Variants in DYDC2 observed in about 807,000 individuals in gnomAD.
DYDC2 encodes DPY30 domain containing 2.
DYDC2 carries 19 observed loss-of-function variants against 18.7 expected under a neutral mutation model. That is an observed-to-expected ratio of 1.02 (90% CI 0.71 to 1.49). The LOEUF (loss-of-function observed/expected upper bound fraction) is 1.49, where lower values mean the gene tolerates loss of function less well. DYDC2 is among the 40% of genes most tolerant of loss of function. The pLI is 0.00. For synonymous variants in DYDC2, 63 were observed against 67.6 expected (o/e 0.93, Z 0.34); for missense variants, 179 against 205.1 (o/e 0.87, Z 0.78).
At chr10:80,353,645 A>G (rs987079040), upstream of DYDC2, among the ~76,000 whole-genome samples, 27 of 150,212 alleles carry the variant, frequency 1.8e-4, no homozygotes. Flanking sequence ...AGGTCAGGAG[A>G]TCGAGACCAT....
upstream of DYDC2, among the ~76,000 whole-genome samples, chr10:80,354,746 T>G (rs1476714886): frequency 6.6e-6 from 1 of 152,036 alleles, no homozygotes; most frequent in Non-Finnish European, 1.5e-5. Flanking sequence ...AGAATAAAAC[T>G]AGAAGACAGC....
intron 2 of DYDC2, 53 bp from the exon 3 acceptor site, chr10:80,362,382 T>A: frequency 1.9e-6 from 3 of 1,568,098 alleles, no homozygotes; most frequent in Non-Finnish European, 2.6e-6. Context: ...TGTCTATTTT[T>A]AATATCAGAT....
chr10:80,356,659 G>A (rs2067467326), upstream of DYDC2: 1 of 983,976 alleles, frequency 1.0e-6, no homozygotes, highest in Non-Finnish European at 1.2e-6. Context: ...CGGACCCAGC[G>A]AAGCTAGGGG....
chr10:80,366,626 C>A, intron 4 of DYDC2, 62 bp from the exon 5 acceptor site: 1 of 1,521,222 alleles, frequency 6.6e-7, no homozygotes, highest in South Asian at 1.3e-5. Flanking sequence ...GTGTTTTTGC[C>A]ATACATCTTG....
chr10:80,357,260 T>G, intron 1 of DYDC2, among the ~76,000 whole-genome samples: 1 of 115,542 alleles, frequency 8.7e-6, no homozygotes, highest in African/African-American at 3.4e-5. Flanking sequence ...AGGGGGAGCG[T>G]AGGATCGGGG....
chr10:80,352,082 A>T, upstream of DYDC2: 1 of 1,266,252 alleles, frequency 7.9e-7, no homozygotes, highest in Non-Finnish European at 1.1e-6. Flanking sequence ...AGCACTTAAT[A>T]GGAACAATTA....
chr10:80,367,077 T>C lies in DYDC2; in HGVS notation c.*126T>C. 1 of 1,159,726 alleles carries C rather than the reference T, an allele frequency of 8.6e-7. No homozygotes were observed. Among genetic ancestry groups the C allele is most frequent in the Non-Finnish European group, 1.2e-6 (1 of 827,518 alleles). The allele number at this position is 1,159,726 out of a possible 1,614,324, so 71.8% of individuals were successfully genotyped here. A position where few individuals can be genotyped will look rare whatever the true frequency, so the allele number is the denominator to read the frequency against. On this transcript the variant is annotated 3_prime_UTR_variant, in exon 5 of 5. Coordinates refer to ENST00000256039, the MANE Select transcript of DYDC2 (RefSeq NM_032372.6). ...CAGGGACTCTCCAGCCTACTCCTTT[T>C]CTGAAAAACCCTTAATCATGTGAAC...
At chr10:80,358,288 G>C (rs1843510984) in intron 2 of DYDC2, among the ~76,000 whole-genome samples, 1 of 152,178 alleles carries the variant, frequency 6.6e-6, no homozygotes, top group Non-Finnish European at 1.5e-5. Context: ...TGAGACAGCG[G>C]AATTGCTTGA....
chr10:80,367,073 C>G lies in DYDC2; in HGVS notation c.*122C>G. ...AGTTCAGGGACTCTCCAGCCTACTC[C>G]TTTTCTGAAAAACCCTTAATCATGT... On this transcript the variant is annotated 3_prime_UTR_variant, in exon 5 of 5. Transcript: ENST00000256039. The G allele has an allele frequency of 8.2e-7, 1 of 1,213,804 alleles. No homozygotes were observed. Among genetic ancestry groups the G allele is most frequent in the Non-Finnish European group, 1.1e-6 (1 of 876,472 alleles). The allele number at this position is 1,213,804 out of a possible 1,614,324, so 75.2% of individuals were successfully genotyped here. A position where few individuals can be genotyped will look rare whatever the true frequency, so the allele number is the denominator to read the frequency against.
intron 2 of DYDC2, among the ~76,000 whole-genome samples, chr10:80,360,680 C>T (rs1843638208): frequency 6.6e-6 from 1 of 152,004 alleles, no homozygotes; most frequent in South Asian, 2.1e-4. Flanking sequence ...AATTATGTCA[C>T]ATAATCTACA....
intron 2 of DYDC2, among the ~76,000 whole-genome samples, chr10:80,361,327 G>A (rs1253192268): frequency 6.6e-6 from 1 of 152,210 alleles, no homozygotes; most frequent in Admixed American, 6.5e-5. Flanking sequence ...GGCAGTTGAT[G>A]TCACTTTGTT....
chr10:80,357,796 A>G, intron 1 of DYDC2, 97 bp from the exon 2 acceptor site: 1 of 985,572 alleles, frequency 1.0e-6, no homozygotes, highest in Non-Finnish European at 1.2e-6. Context: ...ATGTTAGTTG[A>G]GCTAGTAAAT....
intron 1 of DYDC2, among the ~76,000 whole-genome samples, chr10:80,357,180 A>G (rs1843434955): frequency 8.1e-6 from 1 of 123,910 alleles, no homozygotes. Flanking sequence ...GGCAGAGAGG[A>G]GAGGGAATGA....
At chr10:80,346,536 C>A (rs1842650406) in intron 1 of DYDC2, among the ~76,000 whole-genome samples, 1 of 145,266 alleles carries the variant, frequency 6.9e-6, no homozygotes, top group African/African-American at 2.5e-5. Context: ...TCTCAGCTCA[C>A]TGCAAGCTCT....
intron 1 of DYDC2, among the ~76,000 whole-genome samples, chr10:80,347,365 G>A (rs1225318474): frequency 6.7e-5 from 9 of 134,120 alleles, no homozygotes; most frequent in Non-Finnish European, 1.5e-5. Flanking sequence ...GACCTTATCA[G>A]ATATATGGTT....
chr10:80,363,105 C>T, intron 4 of DYDC2, 32 bp downstream of exon 4: 1 of 1,595,452 alleles, frequency 6.3e-7, no homozygotes, highest in South Asian at 1.2e-5. Flanking sequence ...TGGGTTGCCA[C>T]ACACATCCCA....
At chr10:80,358,873 G>A (rs567905758) in intron 2 of DYDC2, among the ~76,000 whole-genome samples, 41 of 152,216 alleles carry the variant, frequency 2.7e-4, no homozygotes, top group African/African-American at 6.5e-4. Context: ...TTTGATGTTC[G>A]GATGTGTTCA....
upstream of DYDC2, chr10:80,352,330 T>C: frequency 7.7e-7 from 1 of 1,302,370 alleles, no homozygotes; most frequent in Non-Finnish European, 1.0e-6. Flanking sequence ...TTCATGTTGT[T>C]CAAGTTTTTG....
At chr10:80,350,989 A>G (rs772160271) in intron 1 of DYDC2, among the ~76,000 whole-genome samples, 1 of 152,212 alleles carries the variant, frequency 6.6e-6, no homozygotes, top group Non-Finnish European at 1.5e-5. Flanking sequence ...AGTGAAGAGA[A>G]TCACATCATC....
Sources: allele counts gnomAD v4.1 joint callset (sites outside exome capture counted in the v4.1 genomes callset), GRCh38; gene constraint gnomAD v4.1.1; transcripts MANE v1.5; gene names NCBI Gene and HGNC (gene_info 2026-07-23, HGNC 2026-07-21).